SAP130: variants seen among roughly 807,000 people sequenced by gnomAD.
SAP130 encodes histone deacetylase complex subunit SAP130.
Under a neutral mutation model 103.2 loss-of-function variants are expected in SAP130, and 16 were observed. That is an observed-to-expected ratio of 0.16 (90% CI 0.10 to 0.24). The LOEUF (loss-of-function observed/expected upper bound fraction) is 0.24. Ranked by LOEUF, SAP130 falls within the 10% of genes least tolerant of loss-of-function variation. SAP130 has a pLI of 1.00. For missense variants in SAP130, 990 were observed against 1,359.7 expected, an observed-to-expected ratio of 0.73 and a Z score of 4.28; for synonymous variants, 477 against 497.0, an observed-to-expected ratio of 0.96 and a Z score of 0.53.
intron 3 of SAP130, among the ~76,000 whole-genome samples, chr2:128,017,068 T>A (rs918771090): frequency 1.3e-5 from 2 of 152,234 alleles, no homozygotes; most frequent in African/African-American, 4.8e-5. Context: ...ACGCCTGTAA[T>A]CCCAGCAATC....
chr2:127,971,022 C>T (rs1287342035), intron 15 of SAP130, among the ~76,000 whole-genome samples: 2 of 151,824 alleles, frequency 1.3e-5, no homozygotes, highest in Admixed American at 1.3e-4. Context: ...ATGAACACAA[C>T]TCACTATAAA....
rs950560364 is a variant in SAP130 at position 127,989,189 on chromosome 2, C to T, written c.1780+375G>A. ...TCTCGGCTCACTGCAAGCTCCACAT[C>T]CCCAGTTCACGCCATTCTCTCGCCT... On this transcript the variant is annotated intron_variant, in intron 13 of 20. Coordinates refer to ENST00000643581, the MANE Select transcript of SAP130 (RefSeq NM_001330301.2). This position sits in a 1 kb window ranked among gnomAD's most constrained non-coding sequence, Gnocchi z 4.6. 3.3e-5 allele frequency among the ~76,000 whole-genome samples: 5 copies of T among 151,680 alleles called. No homozygotes were observed. Among genetic ancestry groups the T allele is most frequent in the African/African-American group, 1.2e-4 (5 of 41,246 alleles).
rs779241927 is a variant in SAP130 at position 128,000,503 on chromosome 2, T to C, written c.870-49A>G. 11 of 1,606,784 alleles carry C rather than the reference T, an allele frequency of 6.8e-6. No homozygotes were observed. In the African/African-American group the frequency reaches 1.5e-4, roughly 21 times the overall value. Reference sequence around the variant, plus strand: ...TGCAGATGGGCAAGGTCATTTACAATCTTCTCCTAGGTTAGTCATGCAAGT... The same window carrying C: ...TGCAGATGGGCAAGGTCATTTACAACCTTCTCCTAGGTTAGTCATGCAAGT... On this transcript the variant is annotated intron_variant, in intron 7 of 20. Coordinates refer to ENST00000643581, the MANE Select transcript of SAP130 (RefSeq NM_001330301.2).
intron 12 of SAP130, among the ~76,000 whole-genome samples, chr2:127,990,155 C>T (rs1174531333): frequency 6.6e-6 from 1 of 151,846 alleles, no homozygotes; most frequent in Non-Finnish European, 1.5e-5. Flanking sequence ...AGCCAGGAAA[C>T]CATGCTAAAT....
chr2:127,987,007 C>T, intron 13 of SAP130, 45 bp from the exon 14 acceptor site: 1 of 1,519,190 alleles, frequency 6.6e-7, no homozygotes, highest in Non-Finnish European at 9.1e-7. Context: ...GAGAGGGAAA[C>T]AAAATGCCAT....
intron 7 of SAP130, among the ~76,000 whole-genome samples, chr2:128,008,229 T>TA (rs920553445): frequency 2.6e-5 from 4 of 152,172 alleles, no homozygotes; most frequent in African/African-American, 9.7e-5. Flanking sequence ...CTGCCCTCCC[T>TA]AACCTCCCTG....
chr2:128,008,845 C>T (rs976601432), intron 7 of SAP130, among the ~76,000 whole-genome samples: 5 of 151,850 alleles, frequency 3.3e-5, no homozygotes, highest in Non-Finnish European at 7.4e-5. Flanking sequence ...ACCACCATGC[C>T]TGGCTACTTT....
intron 15 of SAP130, among the ~76,000 whole-genome samples, chr2:127,958,237 AC>A (rs1470371853): frequency 6.6e-6 from 1 of 152,188 alleles, no homozygotes; most frequent in Non-Finnish European, 1.5e-5. Context: ...ACATGGGGAA[AC>A]CCTGTCTCTA....
chr2:128,000,033 G>C, intron 9 of SAP130, 23 bp downstream of exon 9: 8 of 1,606,584 alleles, frequency 5.0e-6, no homozygotes, highest in Non-Finnish European at 6.0e-6. Context: ...CCAGTAGAAG[G>C]AAGAGGAGGG....
At chr2:127,973,382 G>A (rs1163575237) in intron 15 of SAP130, among the ~76,000 whole-genome samples, 13 of 152,076 alleles carry the variant, frequency 8.5e-5, no homozygotes, top group African/African-American at 1.9e-4. Context: ...ACAGGCATGC[G>A]CCACCACGCT....
intron 18 of SAP130, among the ~76,000 whole-genome samples, chr2:127,948,328 GTT>G (rs71307269): frequency 5.9e-5 from 6 of 101,536 alleles, no homozygotes; most frequent in African/African-American, 1.8e-4. Context: ...TTTCCTGTGA[GTT>G]TTTTTTTTTT....
chr2:127,942,339 A>G lies in SAP130; in HGVS notation c.3015+85T>C. On this transcript the variant is annotated intron_variant, in intron 20 of 20. Transcript: ENST00000643581. This position sits in a 1 kb window ranked among gnomAD's most constrained non-coding sequence, Gnocchi z 4.8. ...TATGTTTTTACTGAAGATATGAGGGAGACGGGGGGAAACGGGAGAAGTAGG... is the reference window on the plus strand; with the variant it reads ...TATGTTTTTACTGAAGATATGAGGGGGACGGGGGGAAACGGGAGAAGTAGG... The G allele has an allele frequency of 9.0e-7, 1 of 1,111,786 alleles. No individual in the cohort carries two copies. The highest frequency in any genetic ancestry group is 2.4e-5 in the East Asian group (1 of 42,522). The allele number at this position is 1,111,786 out of a possible 1,614,324, so 68.9% of individuals were successfully genotyped here.
chr2:128,020,354 T>C (rs1253438098), intron 2 of SAP130, among the ~76,000 whole-genome samples: 3 of 152,340 alleles, frequency 2.0e-5, no homozygotes, highest in African/African-American at 7.2e-5. Flanking sequence ...ATCTTCTACC[T>C]TGTAACACTA....
At position 127,950,316 on chromosome 2, in the gene SAP130, C is replaced by T; in HGVS notation, c.2515G>A (p.Ala839Thr). 6.2e-7 allele frequency: 1 copy of T among 1,614,194 alleles called. No homozygotes were observed. The highest frequency in any genetic ancestry group is 1.1e-5 in the South Asian group (1 of 91,084). Residue 839 changes from alanine (A) to threonine (T), a missense_variant, in exon 17 of 21, where the codon GCC (alanine) becomes ACC (threonine). By Grantham distance (58) the Ala-to-Thr change is moderately conservative. Transcript: ENST00000643581. ...SMPTSDLPPG[A>T]SPRKKPRKQQ... ...TTTCGAGGCTTTTTCCTTGGGGAGG[C>T]ACCAGGTGGTAGGTCACTTGTAGGC...
rs1680606505 is a variant in SAP130, at chr2:127,965,690, T to C, written c.2064-10346A>G. ...CTGTAATCTCAGCCACTCGGGAGGC[T>C]AAGGCATGAGAATTGCTTGAACCAG... On this transcript the variant is annotated intron_variant, in intron 15 of 20. Coordinates refer to ENST00000643581, the MANE Select transcript of SAP130 (RefSeq NM_001330301.2). 2.6e-5 allele frequency among the ~76,000 whole-genome samples: 4 copies of C among 151,598 alleles called. 1 individual carries two copies. Among genetic ancestry groups the C allele is most frequent in the Non-Finnish European group, 5.9e-5 (4 of 67,968 alleles).
chr2:128,027,020 C>A (rs1312298132), intron 1 of SAP130: 4 of 1,311,034 alleles, frequency 3.1e-6, no homozygotes, highest in Non-Finnish European at 4.0e-6. Context: ...TGTGAGACCC[C>A]CGTCTCCGGG....
chr2:127,968,414 GTTTTTTTT>G (rs772856433), intron 15 of SAP130, among the ~76,000 whole-genome samples: 1 of 133,970 alleles, frequency 7.5e-6, no homozygotes, highest in African/African-American at 2.9e-5. Flanking sequence ...CCCGGAGTTG[GTTTTTTTT>G]TTTTTTTTTT....
At chr2:127,979,032 A>T (rs895496987) in intron 14 of SAP130, among the ~76,000 whole-genome samples, 10 of 152,198 alleles carry the variant, frequency 6.6e-5, no homozygotes, top group African/African-American at 2.4e-4. Flanking sequence ...TTGCAAATGT[A>T]ATTAAGGATC....
At chr2:127,972,118 GC>G (rs201340502) in intron 15 of SAP130, among the ~76,000 whole-genome samples, 1,673 of 152,212 alleles carry the variant, frequency 0.011, 23 homozygotes, top group South Asian at 0.044. Flanking sequence ...CAGTCTGAGT[GC>G]CTGTGTGGGC....
Sources: gnomAD v4.1 joint callset for allele counts (sites outside exome capture counted in the v4.1 genomes callset) on GRCh38, gnomAD v4.1.1 for gene constraint, Gnocchi (gnomAD v3.1) non-coding constraint, MANE v1.5 for transcripts, NCBI Gene and HGNC (gene_info 2026-07-23, HGNC 2026-07-21) for gene names.